The following SLC25A33 variants were observed in gnomAD, a reference collection of about 807,000 sequenced individuals.
The protein encoded by SLC25A33 is solute carrier family 25 member 33, also known as bone marrow stromal cell mitochondrial carrier protein.
Under a neutral mutation model 35.5 loss-of-function variants are expected in SLC25A33, and 15 were observed. The ratio of observed to expected loss-of-function variants is 0.42; its 90% confidence interval spans 0.28 to 0.65. SLC25A33 has a LOEUF of 0.65. Ranked by LOEUF, SLC25A33 falls within the 30% of genes least tolerant of loss-of-function variation. SLC25A33 has a pLI of 0.20. For synonymous variants in SLC25A33, 136 were observed against 148.7 expected, an observed-to-expected ratio of 0.91 and a Z score of 0.62; for missense variants, 257 against 398.5, an observed-to-expected ratio of 0.64 and a Z score of 3.02.
intron 2 of SLC25A33, among the ~76,000 whole-genome samples, chr1:9,562,342 CAT>C (rs1643434838): frequency 7.8e-6 from 1 of 128,822 alleles, no homozygotes; most frequent in Non-Finnish European, 1.6e-5. Flanking sequence ...AGCAAGACTC[CAT>C]CTCAAAAAAA....
At chr1:9,556,090 C>T in intron 2 of SLC25A33, 1 of 565,306 alleles carries the variant, frequency 1.8e-6, no homozygotes, top group African/African-American at 2.0e-5. Context: ...TGTGGAGGGA[C>T]ACTTTGCTCT....
chr1:9,567,454 T>C, intron 3 of SLC25A33, 93 bp downstream of exon 3: 1 of 1,169,640 alleles, frequency 8.5e-7, no homozygotes, highest in East Asian at 2.4e-5. Context: ...ATGACCAGTG[T>C]CTTTTTCTAT....
intron 2 of SLC25A33, among the ~76,000 whole-genome samples, chr1:9,559,739 C>T (rs1047392503): frequency 1.3e-5 from 2 of 152,122 alleles, no homozygotes; most frequent in Non-Finnish European, 1.5e-5. Context: ...CAGGCTGCTA[C>T]CATGTGGGTT....
At chr1:9,547,548 G>T (rs1190355920) in intron 1 of SLC25A33, among the ~76,000 whole-genome samples, 2 of 152,028 alleles carry the variant, frequency 1.3e-5, no homozygotes, top group Admixed American at 1.3e-4. Flanking sequence ...TCCATTTTAC[G>T]GTCTTCAAAT....
intron 2 of SLC25A33, among the ~76,000 whole-genome samples, chr1:9,554,114 TAA>T (rs1176064283): frequency 1.3e-5 from 2 of 152,166 alleles, no homozygotes; most frequent in African/African-American, 4.8e-5. Flanking sequence ...GAAATGAAGA[TAA>T]GAGGTGATAG....
At chr1:9,550,253 T>C (rs1569846642) in intron 1 of SLC25A33, among the ~76,000 whole-genome samples, 1 of 147,092 alleles carries the variant, frequency 6.8e-6, no homozygotes, top group Admixed American at 6.9e-5. Flanking sequence ...AAAAAGTGAG[T>C]GTGGCCTGCC....
At chr1:9,570,133 C>T (rs1643567993) in intron 3 of SLC25A33, 125 bp from the exon 4 acceptor site, 2 of 771,900 alleles carry the variant, frequency 2.6e-6, no homozygotes, top group African/African-American at 1.8e-5. Flanking sequence ...CAGGCGAGGA[C>T]AAGCTTTTTA....
rs1203734529 is a variant in SLC25A33, at chr1:9,570,296, A to G, written c.353A>G (p.Gln118Arg). 1.2e-6 allele frequency: 2 copies of G among 1,614,124 alleles called. No homozygotes were observed. The highest frequency in any genetic ancestry group is 2.2e-5 in the South Asian group (2 of 91,076). ...YFACYSKAKE[Q>R]FNGIFVPNSN... The stretch of plus-strand genomic sequence containing the variant: ...GCATGTTACTCCAAAGCCAAAGAGC[A>G]ATTTAATGGCATTTTCGTGCCTAAC... The change falls in exon 4 of 7, where the codon CAA becomes CGA. Residue 118 changes from glutamine to arginine, a missense_variant. Physicochemically the swap from Gln to Arg is conservative, Grantham distance 43. Transcript: ENST00000302692.
At chr1:9,554,023 A>G (rs1162103472) in intron 2 of SLC25A33, among the ~76,000 whole-genome samples, 2 of 152,196 alleles carry the variant, frequency 1.3e-5, no homozygotes, top group African/African-American at 4.8e-5. Flanking sequence ...AGGGCAGTTA[A>G]AGTAAACCTA....
At chr1:9,576,866 G>A (rs1360366172) in intron 5 of SLC25A33, 14 of 1,253,452 alleles carry the variant, frequency 1.1e-5, no homozygotes, top group East Asian at 2.5e-5. Flanking sequence ...AAATGACATC[G>A]AGCTTGTTTC....
rs1404539157 is a variant in SLC25A33 at position 9,583,142 on chromosome 1, C to G, written c.*641C>G. Reference sequence around the variant, plus strand: ...TGAGGCAGGAGAATCACTTGAAACCCAGGGGGCAGAGGTTGCAGCGAGCTG... The same window carrying G: ...TGAGGCAGGAGAATCACTTGAAACCGAGGGGGCAGAGGTTGCAGCGAGCTG... On this transcript the variant is annotated 3_prime_UTR_variant, in exon 7 of 7. Transcript: ENST00000302692. The G allele has an allele frequency of 1.3e-5, 2 of 152,078 alleles. No homozygotes were observed. Among genetic ancestry groups the G allele is most frequent in the Admixed American group, 6.6e-5 (1 of 15,246 alleles). The allele number at this position is 152,078 out of a possible 1,614,324, so 9.4% of individuals were successfully genotyped here.
At chr1:9,562,721 G>A (rs1232372283) in intron 2 of SLC25A33, among the ~76,000 whole-genome samples, 1 of 151,190 alleles carries the variant, frequency 6.6e-6, no homozygotes, top group Admixed American at 6.6e-5. Flanking sequence ...GGGCGTAGTG[G>A]CGGGTGCCTG....
intron 1 of SLC25A33, among the ~76,000 whole-genome samples, chr1:9,549,742 T>C (rs1643235930): frequency 1.3e-5 from 2 of 149,862 alleles, no homozygotes; most frequent in Non-Finnish European, 3.0e-5. Context: ...TGCCTCAGCC[T>C]CCTGAGTACC....
At chr1:9,542,778 T>G (rs1643105224) in intron 1 of SLC25A33, among the ~76,000 whole-genome samples, 1 of 152,246 alleles carries the variant, frequency 6.6e-6, no homozygotes, top group Non-Finnish European at 1.5e-5. Context: ...TGTTGCTAAT[T>G]AATGATACTG....
intron 2 of SLC25A33, among the ~76,000 whole-genome samples, chr1:9,555,402 G>A (rs1426672086): frequency 6.6e-6 from 1 of 152,146 alleles, no homozygotes; most frequent in South Asian, 2.1e-4. Context: ...ACAGGCGTGA[G>A]CCACCGCACC....
intron 5 of SLC25A33, among the ~76,000 whole-genome samples, chr1:9,575,443 C>T (rs1643650194): frequency 4.0e-5 from 6 of 150,286 alleles, no homozygotes; most frequent in Admixed American, 3.3e-4. Context: ...GGTGAAACCC[C>T]GTCTCTACTA....
chr1:9,574,172 C>A (rs889965560), intron 5 of SLC25A33, among the ~76,000 whole-genome samples: 3 of 149,254 alleles, frequency 2.0e-5, no homozygotes, highest in African/African-American at 7.5e-5. Flanking sequence ...CACCCAGCCT[C>A]GACCTCCCAG....
intron 4 of SLC25A33, among the ~76,000 whole-genome samples, chr1:9,572,595 G>A (rs1399645963): frequency 5.9e-5 from 9 of 151,980 alleles, no homozygotes; most frequent in South Asian, 4.1e-4. Flanking sequence ...TCCAGCCTGC[G>A]ACAGAGCAAG....
Position 9,561,620 on chromosome 1 carries a change from T to G in SLC25A33, c.237-5664T>G, listed in dbSNP as rs565940831. ...TGGCTTTTTGCCAACTGTTATTATG[T>G]GTAACTATGGAGACCGCCTTTCTTA... On this transcript the variant is annotated intron_variant, in intron 2 of 6. Coordinates refer to ENST00000302692, the MANE Select transcript of SLC25A33 (RefSeq NM_032315.3). Among the ~76,000 whole-genome samples the G allele has an allele frequency of 2.6e-5, 4 of 152,304 alleles. No homozygotes were observed. In the East Asian group the frequency reaches 7.7e-4, roughly 29 times the overall value.
Sources: allele counts gnomAD v4.1 joint callset (sites outside exome capture counted in the v4.1 genomes callset), GRCh38; gene constraint gnomAD v4.1.1; transcripts MANE v1.5; gene names NCBI Gene and HGNC (gene_info 2026-07-23, HGNC 2026-07-21).